The following KIRREL3 variants were observed in gnomAD, a reference collection of about 807,000 sequenced individuals.
The protein encoded by KIRREL3 is kin of IRRE-like protein 3.
In KIRREL3, 36 loss-of-function variants were observed where a neutral mutation model predicts 89.7. The observed-to-expected ratio is 0.40, with a 90% CI of 0.31 to 0.53. KIRREL3 has a LOEUF of 0.53. Among genes scored for constraint, KIRREL3 ranks in the 20% least tolerant of loss-of-function variants. KIRREL3 has a pLI of 0.49. For synonymous variants in KIRREL3, 445 were observed against 441.4 expected, an observed-to-expected ratio of 1.01 and a Z score of -0.10; for missense variants, 864 against 1,056.6, an observed-to-expected ratio of 0.82 and a Z score of 2.53.
At chr11:126,756,747 C>G (rs1949515994) in intron 1 of KIRREL3, among the ~76,000 whole-genome samples, 1 of 152,256 alleles carries the variant, frequency 6.6e-6, no homozygotes, top group South Asian at 2.1e-4. Context: ...CACCTCCACT[C>G]CCAATGTGCC....
intron 1 of KIRREL3, among the ~76,000 whole-genome samples, chr11:126,667,378 A>C (rs1176802943): frequency 1.3e-5 from 2 of 152,244 alleles, no homozygotes; most frequent in African/African-American, 4.8e-5. Context: ...AATAATGTGG[A>C]TTTAGAATGA....
In KIRREL3 at chr11:126,491,309, A is replaced by C. The variant is rs1185211716; in HGVS notation, c.434-17843T>G. Among the ~76,000 whole-genome samples, 6 of 152,220 alleles carry C rather than the reference A, an allele frequency of 3.9e-5. No individual in the cohort carries two copies. The highest frequency in any genetic ancestry group is 1.4e-4 in the African/African-American group (6 of 41,460). ...GGTGTCCGAATGTAATGTGAGCCCA[A>C]GGAGGGCGGGCGCGTGCTGGCTCTG... On this transcript the variant is annotated intron_variant, in intron 4 of 16. Transcript: ENST00000525144. The surrounding 1 kb of genome is among the most constrained non-coding windows in gnomAD (Gnocchi z 5.5).
At chr11:126,502,769 T>C (rs1045987883) in intron 4 of KIRREL3, among the ~76,000 whole-genome samples, 4 of 152,252 alleles carry the variant, frequency 2.6e-5, no homozygotes. Context: ...AAAGGTGATC[T>C]TTAAAACTGA....
chr11:126,477,066 ACTGAGCGGATCC>A lies in KIRREL3; in HGVS notation c.434-3612_434-3601del, dbSNP rs1957087157. Among the ~76,000 whole-genome samples, 8 of 152,334 alleles carry A rather than the reference ACTGAGCGGATCC, an allele frequency of 5.3e-5. No homozygotes were observed. Among genetic ancestry groups the A allele is most frequent in the Admixed American group, 3.9e-4 (6 of 15,302 alleles). ...GTTGGGGCACTGAAGCCTGGGGAGG[ACTGAGCGGATCC>A]CAGGCAGAGTGGGTCCCCAGAGCTG... On this transcript the variant is annotated intron_variant, in intron 4 of 16. Coordinates refer to ENST00000525144, the MANE Select transcript of KIRREL3 (RefSeq NM_032531.4). This position sits in a 1 kb window ranked among gnomAD's most constrained non-coding sequence, Gnocchi z 4.8.
In KIRREL3 at chr11:126,463,698, C is replaced by A. The variant is rs1956625613; in HGVS notation, c.592-391G>T. ...TGACAGTCTCAGGCTCTGTAGGAAG[C>A]AACGAGATGGTTTGCAACCAGCAGG... On this transcript the variant is annotated intron_variant, in intron 5 of 16. Coordinates refer to ENST00000525144, the MANE Select transcript of KIRREL3 (RefSeq NM_032531.4). The surrounding 1 kb of genome is among the most constrained non-coding windows in gnomAD (Gnocchi z 5.9). Among the ~76,000 whole-genome samples the A allele has an allele frequency of 6.6e-6, 1 of 152,134 alleles. No individual in the cohort carries two copies. The highest frequency in any genetic ancestry group is 1.5e-5 in the Non-Finnish European group (1 of 68,030).
chr11:126,692,270 C>G (rs1261995817), intron 1 of KIRREL3, among the ~76,000 whole-genome samples: 1 of 152,078 alleles, frequency 6.6e-6, no homozygotes, highest in African/African-American at 2.4e-5. Context: ...ATAGGCTGGG[C>G]ACGGTGGTTC....
intron 1 of KIRREL3, among the ~76,000 whole-genome samples, chr11:126,893,518 C>A (rs905778553): frequency 6.6e-6 from 1 of 152,204 alleles, no homozygotes; most frequent in Non-Finnish European, 1.5e-5. Flanking sequence ...TAATTTGTTG[C>A]CGAGCTCATG....
intron 1 of KIRREL3, among the ~76,000 whole-genome samples, chr11:126,959,425 C>T (rs1362735813): frequency 6.6e-6 from 1 of 152,122 alleles, no homozygotes; most frequent in Non-Finnish European, 1.5e-5. Flanking sequence ...CTCTTATACC[C>T]CTAAATGTTG....
rs369271720 is a variant in KIRREL3 at position 126,943,333 on chromosome 11, C to T, written c.55+57122G>A. On this transcript the variant is annotated intron_variant, in intron 1 of 16. Transcript: ENST00000525144. The surrounding 1 kb of genome is among the most constrained non-coding windows in gnomAD (Gnocchi z 4.2). The stretch of plus-strand genomic sequence containing the variant: ...GTGGAGGGAGACTCCATCTCCACCA[C>T]GGAACGCCTTACTCCTGGAACTAAT... Among the ~76,000 whole-genome samples the T allele has an allele frequency of 7.9e-5, 12 of 152,160 alleles. No individual in the cohort carries two copies. The highest frequency in any genetic ancestry group is 2.0e-4 in the Admixed American group (3 of 15,282).
chr11:126,574,044 C>T lies in KIRREL3; in HGVS notation c.56-11132G>A, dbSNP rs1591761831. On this transcript the variant is annotated intron_variant, in intron 1 of 16. Coordinates refer to ENST00000525144, the MANE Select transcript of KIRREL3 (RefSeq NM_032531.4). The surrounding 1 kb of genome is among the most constrained non-coding windows in gnomAD (Gnocchi z 5.3). ...CTCCATGGAAGCCCCTTACAGGCCC[C>T]AGACAAGGGGCTTCATTCTGAGGGA... Among the ~76,000 whole-genome samples, 2 of 152,336 alleles carry T rather than the reference C, an allele frequency of 1.3e-5. No individual in the cohort carries two copies. Among genetic ancestry groups the T allele is most frequent in the East Asian group, 3.9e-4 (2 of 5,192 alleles).
chr11:126,828,950 A>T (rs1020318583), intron 1 of KIRREL3, among the ~76,000 whole-genome samples: 2 of 152,132 alleles, frequency 1.3e-5, no homozygotes, highest in African/African-American at 4.8e-5. Flanking sequence ...CCAGCAGGAG[A>T]GACAGTATTG....
rs1435451722 is a variant in KIRREL3, at chr11:126,788,466, G to T, written c.55+211989C>A. On this transcript the variant is annotated intron_variant, in intron 1 of 16. Coordinates refer to ENST00000525144, the MANE Select transcript of KIRREL3 (RefSeq NM_032531.4). This position sits in a 1 kb window ranked among gnomAD's most constrained non-coding sequence, Gnocchi z 4.1. ...CATGTTCTAACAGGAGCTCTGCAGA[G>T]TGGCAAACACTCCTGTCAAAGAAGT... Among the ~76,000 whole-genome samples the T allele has an allele frequency of 6.6e-6, 1 of 152,226 alleles. No individual in the cohort carries two copies. The highest frequency in any genetic ancestry group is 6.5e-5 in the Admixed American group (1 of 15,286).
intron 1 of KIRREL3, among the ~76,000 whole-genome samples, chr11:126,673,467 T>A (rs991401914): frequency 6.6e-6 from 1 of 152,198 alleles, no homozygotes; most frequent in African/African-American, 2.4e-5. Flanking sequence ...TAGCTTCTCC[T>A]AACCAAGGAA....
chr11:126,431,297 G>C lies in KIRREL3; in HGVS notation c.1696+122C>G, dbSNP rs1444121805. Reference sequence around the variant, plus strand: ...GCATCAGACCCACTCCCTGCCCCAGGAGCTCACAGCACTGTTAGGACCCCT... The same window carrying C: ...GCATCAGACCCACTCCCTGCCCCAGCAGCTCACAGCACTGTTAGGACCCCT... On this transcript the variant is annotated intron_variant, in intron 14 of 16. Transcript: ENST00000525144. This position sits in a 1 kb window ranked among gnomAD's most constrained non-coding sequence, Gnocchi z 7.1. 6.4e-7 allele frequency: 1 copy of C among 1,551,602 alleles called. No homozygotes were observed. The highest frequency in any genetic ancestry group is 2.4e-5 in the East Asian group (1 of 40,932).
At chr11:126,836,900 A>T (rs77535874) in intron 1 of KIRREL3, among the ~76,000 whole-genome samples, 4 of 152,024 alleles carry the variant, frequency 2.6e-5, no homozygotes, top group African/African-American at 4.8e-5. Flanking sequence ...AGAACAACAA[A>T]CTTATTTGTG....
rs1370648903 is a variant in KIRREL3, at chr11:126,550,371, A to C, written c.133+12464T>G. ...TCCTAAGCCACAGGGTTACGTTAAG[A>C]ATATTAGTCGCACGCCTGTAATCCC... On this transcript the variant is annotated intron_variant, in intron 2 of 16. Coordinates refer to ENST00000525144, the MANE Select transcript of KIRREL3 (RefSeq NM_032531.4). The surrounding 1 kb of genome is among the most constrained non-coding windows in gnomAD (Gnocchi z 4.9). The C allele has an allele frequency of 6.6e-6, 1 of 152,166 alleles. No homozygotes were observed. Among genetic ancestry groups the C allele is most frequent in the Non-Finnish European group, 1.5e-5 (1 of 68,042 alleles). The allele number at this position is 152,166 out of a possible 1,614,324, so 9.4% of individuals were successfully genotyped here. A position where few individuals can be genotyped will look rare whatever the true frequency, so the allele number is the denominator to read the frequency against.
chr11:126,952,429 G>T (rs1039194460), intron 1 of KIRREL3, among the ~76,000 whole-genome samples: 4 of 152,016 alleles, frequency 2.6e-5, no homozygotes, highest in African/African-American at 9.7e-5. Context: ...TTTTGATGGG[G>T]TTGTTTTTTT....
chr11:126,522,401 C>A lies in KIRREL3; in HGVS notation c.284-937G>T, dbSNP rs193106722. On this transcript the variant is annotated intron_variant, in intron 3 of 16. Transcript: ENST00000525144. The surrounding 1 kb of genome is among the most constrained non-coding windows in gnomAD (Gnocchi z 6.0). ...AAATCTAGGCCCGCCCTTCCAGTGT[C>A]TAGGAACCTTGGGTCACTTTGAGTC... Among the ~76,000 whole-genome samples the A allele has an allele frequency of 5.4e-3, 815 of 152,288 alleles. 8 individuals carry two copies. The highest frequency in any genetic ancestry group is 0.019 in the African/African-American group (780 of 41,548).
chr11:126,579,654 A>C lies in KIRREL3; in HGVS notation c.56-16742T>G, dbSNP rs632023. 0.5 allele frequency among the ~76,000 whole-genome samples: 75,800 copies of C among 151,698 alleles called. 19,374 individuals are homozygous for C. The highest frequency in any genetic ancestry group is 0.61 in the South Asian group (2,941 of 4,796). The stretch of plus-strand genomic sequence containing the variant: ...TGTGGCCCTAGAGTGGGGAGCATTG[A>C]GGTTGGATGGCATTTGTATCTAGAG... On this transcript the variant is annotated intron_variant, in intron 1 of 16. Coordinates refer to ENST00000525144, the MANE Select transcript of KIRREL3 (RefSeq NM_032531.4). This position sits in a 1 kb window ranked among gnomAD's most constrained non-coding sequence, Gnocchi z 5.3.
Sources: allele counts gnomAD v4.1 joint callset (sites outside exome capture counted in the v4.1 genomes callset), GRCh38; gene constraint gnomAD v4.1.1; non-coding constraint Gnocchi (gnomAD v3.1); transcripts MANE v1.5; gene names NCBI Gene and HGNC (gene_info 2026-07-23, HGNC 2026-07-21).